DPYD: variants seen among roughly 807,000 people sequenced by gnomAD.
DPYD encodes the protein dihydropyrimidine dehydrogenase [NADP(+)].
A neutral mutation model predicts 116.2 loss-of-function variants in DPYD; 109 were observed. The observed-to-expected ratio is 0.94, with a 90% CI of 0.80 to 1.10. The LOEUF (loss-of-function observed/expected upper bound fraction) is 1.10. Among genes scored for constraint, DPYD ranks in the 50% least tolerant of loss-of-function variants. The pLI, the probability that DPYD is intolerant of heterozygous loss-of-function variation, is 0.00. For synonymous variants in DPYD, 440 were observed against 432.0 expected (o/e 1.02, Z -0.23); for missense variants, 1,302 against 1,254.5 (o/e 1.04, Z -0.57).
chr1:97,182,772 A>T (rs539373479), intron 20 of DPYD, among the ~76,000 whole-genome samples: 38 of 152,238 alleles, frequency 2.5e-4, no homozygotes. Context: ...TCCCCCAAAA[A>T]TGTTATCATA....
At chr1:97,713,846 A>T (rs1172463296) in intron 5 of DPYD, among the ~76,000 whole-genome samples, 1 of 152,146 alleles carries the variant, frequency 6.6e-6, no homozygotes, top group East Asian at 1.9e-4. Context: ...TTTTAAATAG[A>T]AGTAGTATAG....
intron 8 of DPYD, among the ~76,000 whole-genome samples, chr1:97,667,674 A>T (rs935747094): frequency 6.6e-6 from 1 of 152,142 alleles, no homozygotes; most frequent in Non-Finnish European, 1.5e-5. Flanking sequence ...CAAAAAGTTA[A>T]ACAGAGTTGC....
At chr1:97,338,218 A>G (rs1450901424) in intron 16 of DPYD, among the ~76,000 whole-genome samples, 1 of 152,190 alleles carries the variant, frequency 6.6e-6, no homozygotes, top group Non-Finnish European at 1.5e-5. Flanking sequence ...AAAGGTGAAA[A>G]TAAAAAAAAT....
At chr1:97,737,792 TAC>T (rs1354692862) in intron 4 of DPYD, among the ~76,000 whole-genome samples, 1 of 152,120 alleles carries the variant, frequency 6.6e-6, no homozygotes, top group Non-Finnish European at 1.5e-5. Flanking sequence ...CATACATGCA[TAC>T]ACACAAACAC....
chr1:97,137,236 A>G (rs1182590947), intron 20 of DPYD, among the ~76,000 whole-genome samples: 2 of 152,238 alleles, frequency 1.3e-5, no homozygotes, highest in Non-Finnish European at 2.9e-5. Context: ...TGCATGGACC[A>G]GCTAACACAG....
At chr1:97,537,068 TAAC>T (rs982538336) in intron 12 of DPYD, among the ~76,000 whole-genome samples, 21 of 152,348 alleles carry the variant, frequency 1.4e-4, no homozygotes, top group African/African-American at 4.8e-4. Flanking sequence ...ATGATAATGA[TAAC>T]AAGTGTCTTT....
intron 16 of DPYD, among the ~76,000 whole-genome samples, chr1:97,369,817 T>C (rs977105669): frequency 6.6e-6 from 1 of 152,170 alleles, no homozygotes. Context: ...GTACAAGATG[T>C]CCACTTAACC....
At chr1:97,904,983 A>C (rs916243146) in intron 1 of DPYD, among the ~76,000 whole-genome samples, 1 of 152,036 alleles carries the variant, frequency 6.6e-6, no homozygotes, top group Non-Finnish European at 1.5e-5. Context: ...TTCTCCAGGA[A>C]AGTTGACTTA....
chr1:97,163,807 G>C (rs1310586574), intron 20 of DPYD, among the ~76,000 whole-genome samples: 1 of 152,006 alleles, frequency 6.6e-6, no homozygotes, highest in Non-Finnish European at 1.5e-5. Context: ...GATGCTCTGG[G>C]GATTAAGTTT....
intron 16 of DPYD, among the ~76,000 whole-genome samples, chr1:97,311,866 G>A (rs1234059680): frequency 6.6e-6 from 1 of 151,718 alleles, no homozygotes; most frequent in Non-Finnish European, 1.5e-5. Context: ...TCCTTAAATA[G>A]AAAGTAAATA....
chr1:97,490,448 A>T (rs1678909707), intron 13 of DPYD, among the ~76,000 whole-genome samples: 1 of 143,784 alleles, frequency 7.0e-6, no homozygotes, highest in Middle Eastern at 3.3e-3. Context: ...TAAGTATTAT[A>T]TAACGTACTA....
At chr1:97,518,382 C>T (rs755199447) in intron 12 of DPYD, among the ~76,000 whole-genome samples, 1 of 152,058 alleles carries the variant, frequency 6.6e-6, no homozygotes, top group Non-Finnish European at 1.5e-5. Context: ...CGTGCTATAG[C>T]AACTCAGTCT....
intron 14 of DPYD, among the ~76,000 whole-genome samples, chr1:97,396,987 T>A (rs1478755112): frequency 6.6e-6 from 1 of 152,076 alleles, no homozygotes; most frequent in Non-Finnish European, 1.5e-5. Context: ...TTCTCTTCTC[T>A]TGTCCCACTT....
At chr1:97,900,612 G>A (rs1673320143) in intron 1 of DPYD, among the ~76,000 whole-genome samples, 1 of 151,860 alleles carries the variant, frequency 6.6e-6, no homozygotes, top group African/African-American at 2.4e-5. Flanking sequence ...AAATTTTATT[G>A]TGCCAGCACA....
intron 2 of DPYD, 55 bp from the exon 3 acceptor site, chr1:97,828,251 T>A (rs1405270516): frequency 6.5e-7 from 1 of 1,535,454 alleles, no homozygotes; most frequent in African/African-American, 1.4e-5. Context: ...AAAAATTGTA[T>A]CTATGCAGTT....
At chr1:97,477,646 C>T (rs142335492) in intron 13 of DPYD, among the ~76,000 whole-genome samples, 14,261 of 136,848 alleles carry the variant, frequency 0.1, 963 homozygotes, top group South Asian at 0.17. Context: ...CGGAGTCTCG[C>T]TCTGTCGCCC....
intron 1 of DPYD, among the ~76,000 whole-genome samples, chr1:97,886,056 T>A (rs1003901744): frequency 6.6e-6 from 1 of 151,964 alleles, no homozygotes; most frequent in African/African-American, 2.4e-5. Flanking sequence ...CTCTTTGAAG[T>A]CTCTGGAAAT....
At chr1:97,849,915 A>C (rs1670490406) in intron 2 of DPYD, among the ~76,000 whole-genome samples, 1 of 152,204 alleles carries the variant, frequency 6.6e-6, no homozygotes, top group South Asian at 2.1e-4. Flanking sequence ...AACAAAAACA[A>C]AATATCACAT....
intron 12 of DPYD, among the ~76,000 whole-genome samples, chr1:97,549,132 T>C (rs1651125777): frequency 6.6e-6 from 1 of 152,044 alleles, no homozygotes; most frequent in Non-Finnish European, 1.5e-5. Flanking sequence ...AGTGGCACGA[T>C]CATGGCTTAC....
Sources: allele counts gnomAD v4.1 joint callset (sites outside exome capture counted in the v4.1 genomes callset), GRCh38; gene constraint gnomAD v4.1.1; transcripts MANE v1.5; gene names NCBI Gene and HGNC (gene_info 2026-07-23, HGNC 2026-07-21).